Variants in LIN28B observed in about 807,000 individuals in gnomAD.
The protein encoded by LIN28B is protein lin-28 homolog B.
LIN28B carries 5 observed loss-of-function variants against 21.9 expected under a neutral mutation model. The ratio of observed to expected loss-of-function variants is 0.23; its 90% CI spans 0.12 to 0.48. The LOEUF (loss-of-function observed/expected upper bound fraction) is 0.48. LIN28B is among the 20% of genes least tolerant of loss of function. LIN28B has a pLI of 0.98. For missense variants in LIN28B, 245 were observed against 310.5 expected (o/e 0.79, Z 1.58); for synonymous variants, 109 against 111.3 (o/e 0.98, Z 0.13).
chr6:104,973,973 G>A (rs1052952629), intron 2 of LIN28B, among the ~76,000 whole-genome samples: 1 of 152,172 alleles, frequency 6.6e-6, no homozygotes, highest in Non-Finnish European at 1.5e-5. Flanking sequence ...TCCAAAGAAA[G>A]TATATATGAA....
chr6:105,062,657 A>G (rs1772144954), intron 3 of LIN28B, among the ~76,000 whole-genome samples: 1 of 151,858 alleles, frequency 6.6e-6, no homozygotes, highest in African/African-American at 2.4e-5. Flanking sequence ...TGATCCTGGA[A>G]CATACCTATT....
At position 104,959,710 on chromosome 6, in the gene LIN28B, A is replaced by G. The variant is rs1407267055; in HGVS notation, c.198+1424A>G. On this transcript the variant is annotated intron_variant, in intron 2 of 3. Transcript: ENST00000345080. ...ATTTTATAGTGCAAAATGAAGCTAC[A>G]TTTTCTGTTTTTTCCCCTCTAAGAC... Among the ~76,000 whole-genome samples the G allele has an allele frequency of 2.0e-5, 3 of 152,196 alleles. No individual in the cohort carries two copies. In the East Asian group the frequency reaches 5.8e-4, roughly 29 times the overall value.
chr6:104,990,155 T>G (rs1770432184), intron 2 of LIN28B, among the ~76,000 whole-genome samples: 1 of 151,890 alleles, frequency 6.6e-6, no homozygotes, highest in African/African-American at 2.4e-5. Context: ...TGAGCCACAT[T>G]TAATTCCATA....
intron 3 of LIN28B, among the ~76,000 whole-genome samples, chr6:105,049,722 C>T (rs909382972): frequency 1.3e-5 from 2 of 152,102 alleles, no homozygotes; most frequent in African/African-American, 2.4e-5. Context: ...ATAGTTAGCT[C>T]TTCTTGTTGA....
At chr6:104,977,870 G>T (rs1175178669) in intron 2 of LIN28B, among the ~76,000 whole-genome samples, 3 of 152,150 alleles carry the variant, frequency 2.0e-5, no homozygotes, top group Non-Finnish European at 4.4e-5. Flanking sequence ...CCGACCAGGT[G>T]TATGCCTTTC....
At chr6:105,023,217 A>G (rs1275803856) in intron 2 of LIN28B, among the ~76,000 whole-genome samples, 2 of 97,800 alleles carry the variant, frequency 2.0e-5, no homozygotes, top group African/African-American at 3.9e-5. Context: ...ATGGATATAT[A>G]TATATATATA....
At chr6:104,951,980 C>T (rs573664683) in intron 3 of LIN28B, among the ~76,000 whole-genome samples, 51 of 152,292 alleles carry the variant, frequency 3.3e-4, no homozygotes, top group African/African-American at 1.1e-3. Flanking sequence ...TTTCTTTTAA[C>T]TTGTCTCATC....
chr6:105,028,023 G>A (rs879107586), intron 3 of LIN28B, among the ~76,000 whole-genome samples: 5 of 152,192 alleles, frequency 3.3e-5, no homozygotes, highest in Admixed American at 1.3e-4. Flanking sequence ...AGCTATTAAA[G>A]TGGTTTTCTG....
rs547991943 is a variant in LIN28B, at chr6:105,037,319, A to G, written c.383+10837A>G. On this transcript the variant is annotated intron_variant, in intron 3 of 3. Coordinates refer to ENST00000345080, the MANE Select transcript of LIN28B (RefSeq NM_001004317.4). The stretch of plus-strand genomic sequence containing the variant: ...TCCAGCTAGACTTTTTAAATTCTAC[A>G]TAATAAGGATATGCAAGTCAAATTC... Among the ~76,000 whole-genome samples, 4 of 152,318 alleles carry G rather than the reference A, an allele frequency of 2.6e-5. No homozygotes were observed. In the South Asian group the frequency reaches 8.3e-4, roughly 32 times the overall value.
intron 2 of LIN28B, among the ~76,000 whole-genome samples, chr6:104,938,054 A>C (rs1778031699): frequency 1.8e-5 from 1 of 55,896 alleles, no homozygotes; most frequent in Non-Finnish European, 4.4e-5. Flanking sequence ...TCTCTACAAA[A>C]AAAAAAAAAA....
At chr6:105,059,454 C>G (rs1772083859) in intron 3 of LIN28B, among the ~76,000 whole-genome samples, 1 of 152,178 alleles carries the variant, frequency 6.6e-6, no homozygotes, top group African/African-American at 2.4e-5. Context: ...TGACTTCAAC[C>G]TTAGCATCTC....
At chr6:104,976,619 T>C (rs1389992787) in intron 2 of LIN28B, among the ~76,000 whole-genome samples, 2 of 152,196 alleles carry the variant, frequency 1.3e-5, no homozygotes, top group African/African-American at 2.4e-5. Flanking sequence ...TTGCCAATGC[T>C]TTTAGTTGCA....
At position 105,015,952 on chromosome 6, in the gene LIN28B, A is replaced by G. The variant is rs1377630063; in HGVS notation, c.199-10346A>G. 2.0e-5 allele frequency among the ~76,000 whole-genome samples: 3 copies of G among 152,184 alleles called. No homozygotes were observed. In the East Asian group the frequency reaches 5.8e-4, roughly 29 times the overall value. On this transcript the variant is annotated intron_variant, in intron 2 of 3. Transcript: ENST00000345080. ...CTTATAGTATACATCCTTAAATTAG[A>G]TAGTGTACATAGATGTACTATTCTG...
intron 1 of LIN28B, among the ~76,000 whole-genome samples, chr6:104,957,851 C>T (rs1440705935): frequency 3.3e-5 from 5 of 151,776 alleles, no homozygotes; most frequent in African/African-American, 1.2e-4. Flanking sequence ...AATAAGTACA[C>T]GTATGTATAG....
At chr6:105,039,786 A>T (rs1185942977) in intron 3 of LIN28B, among the ~76,000 whole-genome samples, 2 of 151,880 alleles carry the variant, frequency 1.3e-5, no homozygotes, top group African/African-American at 4.8e-5. Flanking sequence ...TTTTGAATGA[A>T]TTTTTTTTCT....
chr6:105,060,422 G>A (rs1772103881), intron 3 of LIN28B, among the ~76,000 whole-genome samples: 1 of 152,058 alleles, frequency 6.6e-6, no homozygotes, highest in South Asian at 2.1e-4. Flanking sequence ...GAGCCACTGT[G>A]CTTGACCTAT....
intron 3 of LIN28B, among the ~76,000 whole-genome samples, chr6:105,031,725 C>T (rs1270034870): frequency 1.3e-5 from 2 of 151,814 alleles, no homozygotes; most frequent in African/African-American, 2.4e-5. Flanking sequence ...TTAGTAGAGA[C>T]GGAGTTTCAC....
intron 2 of LIN28B, among the ~76,000 whole-genome samples, chr6:105,006,294 GGTTCT>G (rs1231998715): frequency 2.0e-4 from 30 of 151,838 alleles, no homozygotes; most frequent in African/African-American, 7.0e-4. Flanking sequence ...TCTAGATTAT[GGTTCT>G]GTTCTGTTTT....
chr6:105,076,751 G>A (rs138762825), intron 3 of LIN28B, among the ~76,000 whole-genome samples: 265 of 151,784 alleles, frequency 1.7e-3, no homozygotes, highest in African/African-American at 5.8e-3. Flanking sequence ...GACTACAAGC[G>A]CGCGCCATCA....
Sources: gnomAD v4.1 joint callset for allele counts (sites outside exome capture counted in the v4.1 genomes callset) on GRCh38, gnomAD v4.1.1 for gene constraint, MANE v1.5 for transcripts, NCBI Gene and HGNC (gene_info 2026-07-23, HGNC 2026-07-21) for gene names.